EEF2: variants seen among roughly 807,000 people sequenced by gnomAD.
The protein encoded by EEF2 is elongation factor 2.
A neutral mutation model predicts 85.3 loss-of-function variants in EEF2; 21 were observed. The ratio of observed to expected loss-of-function variants is 0.25; its 90% CI spans 0.17 to 0.35. The LOEUF is 0.35. Among genes scored for constraint, EEF2 ranks in the 10% least tolerant of loss-of-function variants. The pLI is 1.00. For synonymous variants in EEF2, 723 were observed against 508.8 expected (o/e 1.42, Z -5.67); for missense variants, 825 against 1,225.3 (o/e 0.67, Z 4.88).
intron 14 of EEF2, 96 bp from the exon 15 acceptor site, chr19:3,976,843 G>C (rs1053042061): frequency 3.7e-6 from 5 of 1,344,694 alleles, no homozygotes; most frequent in African/African-American, 1.5e-5. Flanking sequence ...CTCAGCCTGA[G>C]TCACCCTGCA....
intron 1 of EEF2, chr19:3,984,650 G>C: frequency 2.6e-6 from 1 of 378,254 alleles, no homozygotes; most frequent in Non-Finnish European, 4.9e-6. Flanking sequence ...AGTCTCATTT[G>C]GGGCCAAACA....
chr19:3,980,384 C>T, intron 9 of EEF2, 130 bp downstream of exon 9: 3 of 1,220,652 alleles, frequency 2.5e-6, no homozygotes, highest in African/African-American at 1.5e-5. Context: ...AAAGTTGTGG[C>T]TGGCACAAGT....
Position 3,980,635 on chromosome 19 carries a change from G to C in EEF2, c.1225C>G (p.Arg409Gly). The C allele has an allele frequency of 6.2e-7, 1 of 1,614,180 alleles. No individual in the cohort carries two copies. Among genetic ancestry groups the C allele is most frequent in the Non-Finnish European group, 8.5e-7 (1 of 1,180,012 alleles). ...AAGACTCGTCCAAAGGCGTAGAACC[G>C]ACCTTTGTCGGAGGTTGGCACCATT... Reference protein sequence around the residue: ...SKMVPTSDKGRFYAFGRVFSG... With the variant: ...SKMVPTSDKGGFYAFGRVFSG... The change falls in exon 9 of 15, where the codon CGG becomes GGG. Residue 409 changes from arginine to glycine, a missense_variant. Arg to Gly is a moderately radical substitution (Grantham distance 125, BLOSUM62 -2). Coordinates refer to ENST00000309311, the MANE Select transcript of EEF2 (RefSeq NM_001961.4).
rs1456305040 is a variant in EEF2, at chr19:3,984,209, C to A, written c.145G>T (p.Ala49Ser). Residue 49 changes from alanine (A) to serine (S), a missense_variant, in exon 2 of 15, where the codon GCC becomes TCC. Transcript: ENST00000309311. ...LVCKAGIIAS[A>S]RAGETRFTDT... is the part of the protein sequence containing the mutation. Reference sequence around the variant, plus strand: ...GTGAAGCGTGTCTCCCCGGCCCGGGCCGAGGCGATGATGCCCGCCTTGCAC... The same window carrying A: ...GTGAAGCGTGTCTCCCCGGCCCGGGACGAGGCGATGATGCCCGCCTTGCAC... 2.5e-6 allele frequency: 4 copies of A among 1,614,104 alleles called. No homozygotes were observed. The highest frequency in any genetic ancestry group is 3.4e-6 in the Non-Finnish European group (4 of 1,180,040).
Position 3,980,814 on chromosome 19 carries a change from CAG to C in EEF2, c.1150+25_1150+26del, listed in dbSNP as rs552573527. On this transcript the variant is annotated intron_variant, in intron 8 of 14. Coordinates refer to ENST00000309311, the MANE Select transcript of EEF2 (RefSeq NM_001961.4). The stretch of plus-strand genomic sequence containing the variant: ...AACAGGAAGTCATCCGGCTGCATCT[CAG>C]GGCCCGGCCACCGGGACCACGTACC... The C allele has an allele frequency of 1.2e-4, 182 of 1,580,716 alleles. No individual in the cohort carries two copies. The Middle Eastern group carries it at 1.7e-3, about 14-fold the overall frequency.
At chr19:3,976,855 AC>A in intron 14 of EEF2, 108 bp from the exon 15 acceptor site, 1 of 1,269,958 alleles carries the variant, frequency 7.9e-7, no homozygotes, top group Non-Finnish European at 1.1e-6. Context: ...CACCCTGCAG[AC>A]CAGACACTCG....
chr19:3,985,014 A>C, intron 1 of EEF2: 1 of 297,504 alleles, frequency 3.4e-6, no homozygotes, highest in East Asian at 5.4e-5. Context: ...CCCGGCAGAA[A>C]ATCGATCTCA....
intron 11 of EEF2, 83 bp from the exon 12 acceptor site, chr19:3,978,255 G>C (rs113239377): frequency 3.1e-5 from 39 of 1,265,712 alleles, no homozygotes; most frequent in Non-Finnish European, 3.6e-5. Flanking sequence ...GCTTTTCCTA[G>C]CAAGGCGGAC....
At chr19:3,980,467 G>A in intron 9 of EEF2, 47 bp downstream of exon 9, 5 of 1,575,058 alleles carry the variant, frequency 3.2e-6, no homozygotes, top group Non-Finnish European at 4.3e-6. Flanking sequence ...GAGCAGGGCA[G>A]GGCCCGCAAC....
chr19:3,982,598 A>G (rs751415243), intron 4 of EEF2, 174 bp from the exon 5 acceptor site: 1 of 1,062,346 alleles, frequency 9.4e-7, no homozygotes, highest in Non-Finnish European at 1.4e-6. Context: ...TCCACCACCC[A>G]GGGCAGCGTT....
At chr19:3,982,594 A>G (rs766216093) in intron 4 of EEF2, 170 bp from the exon 5 acceptor site, 54 of 1,072,526 alleles carry the variant, frequency 5.0e-5, no homozygotes, top group Admixed American at 3.6e-5. Flanking sequence ...CCCCTCCACC[A>G]CCCAGGGCAG....
chr19:3,983,677 G>C (rs1568202830), intron 2 of EEF2, among the ~76,000 whole-genome samples: 1 of 152,118 alleles, frequency 6.6e-6, no homozygotes, highest in South Asian at 2.1e-4. Context: ...GCCTTAGCCA[G>C]AGTCCCTCAC....
intron 2 of EEF2, chr19:3,983,828 C>T: frequency 2.2e-6 from 1 of 445,998 alleles, no homozygotes; most frequent in Non-Finnish European, 4.1e-6. Flanking sequence ...AGCACTAGAA[C>T]ACCCTCCCCT....
intron 10 of EEF2, 119 bp from the exon 11 acceptor site, chr19:3,979,555 G>C (rs114555977): frequency 5.0e-6 from 5 of 1,001,796 alleles, no homozygotes; most frequent in African/African-American, 1.6e-5. Context: ...AAGGTGCTGG[G>C]AAACTGGGAC....
chr19:3,979,791 G>A lies in EEF2; in HGVS notation c.1605+17C>T, dbSNP rs753594760. ...CCCTCAGGGTGTCTGCTCCCAGCAG[G>A]TGCACTCCGTGCCCACCTGCACCAT... On this transcript the variant is annotated intron_variant, in intron 10 of 14. Coordinates refer to ENST00000309311, the MANE Select transcript of EEF2 (RefSeq NM_001961.4). 2 of 1,606,658 alleles carry A rather than the reference G, an allele frequency of 1.2e-6. No homozygotes were observed. Among genetic ancestry groups the A allele is most frequent in the Non-Finnish European group, 1.7e-6 (2 of 1,175,778 alleles).
At position 3,976,507 on chromosome 19, in the gene EEF2, T is replaced by C. The variant is rs1292718712; in HGVS notation, c.*47A>G. The stretch of plus-strand genomic sequence containing the variant: ...CTGAGAATTCGAGGACGTGGTGCTG[T>C]GGGTGCTGCGAGTCCCCGGGGCGGC... On this transcript the variant is annotated 3_prime_UTR_variant, in exon 15 of 15. Coordinates refer to ENST00000309311, the MANE Select transcript of EEF2 (RefSeq NM_001961.4). 3 of 1,557,800 alleles carry C rather than the reference T, an allele frequency of 1.9e-6. No homozygotes were observed. The highest frequency in any genetic ancestry group is 1.9e-5 in the Admixed American group (1 of 52,604).
chr19:3,980,890 G>A lies in EEF2; in HGVS notation c.1101C>T (p.Tyr367=), dbSNP rs1177475903. 6.4e-7 allele frequency: 1 copy of A among 1,564,136 alleles called. No individual in the cohort carries two copies. The highest frequency in any genetic ancestry group is 1.2e-5 in the South Asian group (1 of 85,816). ...HLPSPVTAQK[Y]RCELLYEGPP... ...GCCCCTCGTACAGGAGCTCGCAGCG[G>A]TACTTCTGGGCCGTCACAGGGGAGG... The change falls in exon 8 of 15, where the codon TAC becomes TAT. Residue 367 remains tyrosine, a synonymous_variant. Coordinates refer to ENST00000309311, the MANE Select transcript of EEF2 (RefSeq NM_001961.4).
chr19:3,982,194 T>C (rs2039758319), intron 5 of EEF2, 52 bp downstream of exon 5: 1 of 1,608,346 alleles, frequency 6.2e-7, no homozygotes, highest in Non-Finnish European at 8.5e-7. Context: ...CCTACGTCGC[T>C]GCCACTACCC....
intron 1 of EEF2, chr19:3,985,093 A>G (rs950235465): frequency 2.6e-6 from 1 of 383,316 alleles, no homozygotes; most frequent in South Asian, 1.4e-4. Flanking sequence ...GCCCGCCATT[A>G]CTACGCCTGC....
Sources: allele counts gnomAD v4.1 joint callset (sites outside exome capture counted in the v4.1 genomes callset), GRCh38; gene constraint gnomAD v4.1.1; transcripts MANE v1.5; gene names NCBI Gene and HGNC (gene_info 2026-07-23, HGNC 2026-07-21).